Variants in PTPN4 observed in about 807,000 individuals in gnomAD.
The protein encoded by PTPN4 is tyrosine-protein phosphatase non-receptor type 4.
PTPN4 carries 49 observed loss-of-function variants against 135.5 expected under a neutral mutation model. That is an observed-to-expected ratio of 0.36 (90% CI 0.29 to 0.46). The LOEUF (loss-of-function observed/expected upper bound fraction) is 0.46, where lower values mean the gene tolerates loss of function less well. PTPN4 is among the 20% of genes least tolerant of loss of function. The pLI is 1.00. For synonymous variants in PTPN4, 333 were observed against 369.9 expected, an observed-to-expected ratio of 0.90 and a Z score of 1.14; for missense variants, 860 against 1,101.0, an observed-to-expected ratio of 0.78 and a Z score of 3.10.
rs1368584900 is a variant in PTPN4 at position 119,983,023 on chromosome 2, A to G, written c.*5953A>G. The G allele has an allele frequency of 6.6e-6, 1 of 152,178 alleles. No individual in the cohort carries two copies. Among genetic ancestry groups the G allele is most frequent in the Admixed American group, 6.5e-5 (1 of 15,286 alleles). The allele number at this position is 152,178 out of a possible 1,614,324, so 9.4% of individuals were successfully genotyped here. A position where few individuals can be genotyped will look rare whatever the true frequency, so the allele number is the denominator to read the frequency against. ...ATTCATCACTCATGAAACTTGACTC[A>G]GTGAGGACTTCATTATTTTTATTTC... is the stretch of plus-strand genomic sequence containing the variant. On this transcript the variant is annotated 3_prime_UTR_variant, in exon 27 of 27. Transcript: ENST00000263708.
chr2:119,776,883 C>G (rs1028428608), intron 1 of PTPN4, among the ~76,000 whole-genome samples: 1 of 152,136 alleles, frequency 6.6e-6, no homozygotes, highest in African/African-American at 2.4e-5. Context: ...TTGGGAAAGT[C>G]AAGAGTTACA....
At chr2:119,804,506 A>G (rs1424016029) in intron 1 of PTPN4, among the ~76,000 whole-genome samples, 1 of 151,718 alleles carries the variant, frequency 6.6e-6, no homozygotes, top group East Asian at 1.9e-4. Context: ...TTCATTTCCC[A>G]CCTGTGAGTG....
intron 15 of PTPN4, among the ~76,000 whole-genome samples, chr2:119,940,834 A>G (rs1166633660): frequency 6.6e-6 from 1 of 152,184 alleles, no homozygotes; most frequent in East Asian, 1.9e-4. Flanking sequence ...TTTAAAAAAA[A>G]TTCATGATTT....
At chr2:119,872,789 T>C (rs903970803) in intron 3 of PTPN4, among the ~76,000 whole-genome samples, 36 of 152,160 alleles carry the variant, frequency 2.4e-4, no homozygotes, top group African/African-American at 8.2e-4. Flanking sequence ...AAAATAGGCT[T>C]CAAATAATGA....
At chr2:119,848,482 A>G (rs999638561) in intron 2 of PTPN4, among the ~76,000 whole-genome samples, 1 of 147,272 alleles carries the variant, frequency 6.8e-6, no homozygotes, top group Non-Finnish European at 1.5e-5. Flanking sequence ...CCACATCCAC[A>G]TTTCTTTAAA....
intron 2 of PTPN4, among the ~76,000 whole-genome samples, chr2:119,859,975 C>G (rs918447935): frequency 2.0e-5 from 3 of 152,104 alleles, no homozygotes; most frequent in African/African-American, 7.2e-5. Flanking sequence ...TCATCAGCAC[C>G]TATTAGCATT....
At chr2:119,806,780 T>G (rs903551804) in intron 1 of PTPN4, among the ~76,000 whole-genome samples, 4 of 152,170 alleles carry the variant, frequency 2.6e-5, no homozygotes, top group Non-Finnish European at 4.4e-5. Context: ...TACATTCTTC[T>G]CAGCACCACA....
rs1408401566 is a variant in PTPN4, at chr2:119,766,487, T to C, written c.-18+6103T>C. 1.9e-3 allele frequency among the ~76,000 whole-genome samples: 264 copies of C among 136,280 alleles called. 1 individual carries two copies. The highest frequency in any genetic ancestry group is 7.5e-3 in the African/African-American group (250 of 33,282). 89.4% of individuals were successfully genotyped at this position (136,280 alleles called of 152,430 possible). The stretch of plus-strand genomic sequence containing the variant: ...GTGTGTGTGTGTGTGTGTGTGTCTG[T>C]GTGTGTGTGTGTGTGTGTGTGTGAA... On this transcript the variant is annotated intron_variant, in intron 1 of 26. Coordinates refer to ENST00000263708, the MANE Select transcript of PTPN4 (RefSeq NM_002830.4).
chr2:119,798,233 C>T (rs1691299878), intron 1 of PTPN4, among the ~76,000 whole-genome samples: 1 of 150,312 alleles, frequency 6.7e-6, no homozygotes, highest in Non-Finnish European at 1.5e-5. Context: ...ATGGCATGAT[C>T]TCAGCTTACT....
At chr2:119,812,145 A>G (rs1676893810) in intron 2 of PTPN4, among the ~76,000 whole-genome samples, 1 of 152,190 alleles carries the variant, frequency 6.6e-6, no homozygotes, top group Admixed American at 6.5e-5. Flanking sequence ...TTTTAGGTAG[A>G]TTATTTATCT....
Position 119,977,623 on chromosome 2 carries a change from A to G in PTPN4, c.*553A>G, listed in dbSNP as rs566593594. On this transcript the variant is annotated 3_prime_UTR_variant, in exon 27 of 27. Transcript: ENST00000263708. ...AGACCTGCCTGCTGCTCAGAAGAAG[A>G]AAGATGGAATTTGCTGTTCCCAGGA... The G allele has an allele frequency of 6.6e-6, 1 of 152,328 alleles. No individual in the cohort carries two copies. Among genetic ancestry groups the G allele is most frequent in the East Asian group, 1.9e-4 (1 of 5,190 alleles). The allele number at this position is 152,328 out of a possible 1,614,324, so 9.4% of individuals were successfully genotyped here. A position where few individuals can be genotyped will look rare whatever the true frequency, so the allele number is the denominator to read the frequency against.
intron 1 of PTPN4, among the ~76,000 whole-genome samples, chr2:119,776,018 A>G (rs1209921239): frequency 6.6e-6 from 1 of 152,188 alleles, no homozygotes. Flanking sequence ...AAGAAACAGT[A>G]CCAGAAAATA....
At chr2:119,931,805 A>T (rs1678911130) in intron 13 of PTPN4, among the ~76,000 whole-genome samples, 1 of 152,046 alleles carries the variant, frequency 6.6e-6, no homozygotes, top group Admixed American at 6.6e-5. Context: ...TAATATATAG[A>T]TTGGTAACAA....
At chr2:119,960,462 A>G (rs188731242) in intron 22 of PTPN4, among the ~76,000 whole-genome samples, 190 of 152,334 alleles carry the variant, frequency 1.2e-3, no homozygotes, top group African/African-American at 4.4e-3. Context: ...TCTGAAACAA[A>G]ATTCTGTGTT....
At chr2:119,956,694 A>G in intron 20 of PTPN4, 150 bp from the exon 21 acceptor site, 1 of 1,274,792 alleles carries the variant, frequency 7.8e-7, no homozygotes, top group East Asian at 2.6e-5. Flanking sequence ...CTGGTTCAGT[A>G]CTCTACTAGA....
intron 2 of PTPN4, among the ~76,000 whole-genome samples, chr2:119,848,717 C>T (rs916847265): frequency 2.0e-5 from 3 of 152,174 alleles, no homozygotes; most frequent in African/African-American, 7.2e-5. Context: ...TCTCCTGTCT[C>T]AGCCTCCTGA....
At chr2:119,899,887 G>A (rs1480362883) in intron 9 of PTPN4, among the ~76,000 whole-genome samples, 1 of 152,038 alleles carries the variant, frequency 6.6e-6, no homozygotes, top group East Asian at 1.9e-4. Flanking sequence ...ATACTATAAA[G>A]TATTTGTTCT....
intron 1 of PTPN4, among the ~76,000 whole-genome samples, chr2:119,776,065 TA>T (rs1401093877): frequency 6.6e-6 from 1 of 152,210 alleles, no homozygotes; most frequent in Non-Finnish European, 1.5e-5. Context: ...GGGTTCCACT[TA>T]TTCAAGACTG....
chr2:119,911,899 T>A (rs1300376066), intron 10 of PTPN4, among the ~76,000 whole-genome samples: 1 of 152,210 alleles, frequency 6.6e-6, no homozygotes, highest in Admixed American at 6.5e-5. Context: ...GTCTACCATA[T>A]GACCTAGCTG....
Sources: allele counts gnomAD v4.1 joint callset (sites outside exome capture counted in the v4.1 genomes callset), GRCh38; gene constraint gnomAD v4.1.1; transcripts MANE v1.5; gene names NCBI Gene and HGNC (gene_info 2026-07-23, HGNC 2026-07-21).